The following DTNA variants were observed in gnomAD, a reference collection of about 807,000 sequenced individuals.
DTNA encodes dystrophin-related protein 3.
In DTNA, 43 loss-of-function variants were observed where a neutral mutation model predicts 100.7. The observed-to-expected ratio is 0.43, with a 90% CI of 0.33 to 0.55. The LOEUF (loss-of-function observed/expected upper bound fraction) is 0.55. Among genes scored for constraint, DTNA ranks in the 20% least tolerant of loss-of-function variants. The pLI, the probability that DTNA is intolerant of heterozygous loss-of-function variation, is 0.04. For missense variants in DTNA, 798 were observed against 953.9 expected, an observed-to-expected ratio of 0.84 and a Z score of 2.15; for synonymous variants, 349 against 347.9, an observed-to-expected ratio of 1.00 and a Z score of -0.04.
intron 3 of DTNA, among the ~76,000 whole-genome samples, chr18:34,792,095 T>G (rs1323498783): frequency 4.1e-4 from 1 of 2,462 alleles, no homozygotes; most frequent in Non-Finnish European, 1.8e-3. Flanking sequence ...AACCTGTTGT[T>G]TTTTTTTTTT....
chr18:34,873,420 G>A (rs1023417181), intron 17 of DTNA, among the ~76,000 whole-genome samples: 1 of 152,228 alleles, frequency 6.6e-6, no homozygotes, highest in Non-Finnish European at 1.5e-5. Context: ...CTTAAAAAGG[G>A]TGTACAAGAG....
intron 10 of DTNA, 138 bp downstream of exon 10, chr18:34,827,814 T>G: frequency 1.1e-6 from 1 of 906,852 alleles, no homozygotes; most frequent in Non-Finnish European, 1.7e-6. Context: ...CATTATAAGT[T>G]TTCAATTTCA....
At chr18:34,771,680 C>T (rs2093780598) in intron 3 of DTNA, among the ~76,000 whole-genome samples, 1 of 152,052 alleles carries the variant, frequency 6.6e-6, no homozygotes, top group Admixed American at 6.5e-5. Flanking sequence ...TAGGGGACAC[C>T]AAGTTGATTA....
intron 1 of DTNA, among the ~76,000 whole-genome samples, chr18:34,663,967 C>T (rs1175469313): frequency 6.6e-6 from 1 of 151,962 alleles, no homozygotes; most frequent in Non-Finnish European, 1.5e-5. Context: ...AAGTATGAGA[C>T]AAATAATTGA....
At chr18:34,527,536 G>A (rs2042742113) in intron 1 of DTNA, among the ~76,000 whole-genome samples, 1 of 152,032 alleles carries the variant, frequency 6.6e-6, no homozygotes, top group African/African-American at 2.4e-5. Flanking sequence ...AATTGTTTAA[G>A]TGGCAAAACA....
intron 1 of DTNA, among the ~76,000 whole-genome samples, chr18:34,661,319 A>T (rs1002196478): frequency 3.9e-5 from 6 of 152,232 alleles, no homozygotes; most frequent in Admixed American, 1.3e-4. Flanking sequence ...TTCACACTAT[A>T]CTCAACTTTG....
chr18:34,789,750 A>G (rs906679106), intron 3 of DTNA, among the ~76,000 whole-genome samples: 2 of 152,186 alleles, frequency 1.3e-5, no homozygotes, highest in African/African-American at 4.8e-5. Context: ...TTTTTCTTTT[A>G]CGTTCCTTAT....
chr18:34,852,957 G>A (rs2096499853), intron 15 of DTNA, among the ~76,000 whole-genome samples: 1 of 152,090 alleles, frequency 6.6e-6, no homozygotes, highest in South Asian at 2.1e-4. Context: ...TTCGTTTATT[G>A]TCTGTCTTCC....
intron 1 of DTNA, among the ~76,000 whole-genome samples, chr18:34,726,625 C>T (rs2086751278): frequency 6.6e-6 from 1 of 152,236 alleles, no homozygotes; most frequent in African/African-American, 2.4e-5. Context: ...AATAATCCTT[C>T]ACTCCTTGTC....
chr18:34,499,762 T>G (rs2144555897), intron 1 of DTNA, among the ~76,000 whole-genome samples: 1 of 152,342 alleles, frequency 6.6e-6, no homozygotes, highest in East Asian at 1.9e-4. Flanking sequence ...CTATTTGTCA[T>G]TTAAATATCT....
chr18:34,737,900 C>T (rs1378143542), intron 1 of DTNA: 2 of 151,868 alleles, frequency 1.3e-5, no homozygotes. Context: ...AAACAGACAC[C>T]AACAAAAACA....
chr18:34,837,571 G>A (rs1326841744), intron 11 of DTNA, among the ~76,000 whole-genome samples: 2 of 152,132 alleles, frequency 1.3e-5, no homozygotes, highest in Admixed American at 6.6e-5. Flanking sequence ...GTATTTCTCT[G>A]TTCCTCTGAA....
intron 3 of DTNA, among the ~76,000 whole-genome samples, chr18:34,782,223 A>C (rs1405183199): frequency 6.6e-6 from 1 of 152,228 alleles, no homozygotes; most frequent in Non-Finnish European, 1.5e-5. Flanking sequence ...AGAGGAATGC[A>C]AAGATGAACA....
At chr18:34,863,839 G>A (rs759400654) in intron 16 of DTNA, 127 bp from the exon 17 acceptor site, 156 of 850,530 alleles carry the variant, frequency 1.8e-4, no homozygotes, top group Non-Finnish European at 2.7e-4. Flanking sequence ...ACAGTTCCCT[G>A]CCTGGTAACC....
At chr18:34,801,847 A>G (rs2095226111) in intron 4 of DTNA, among the ~76,000 whole-genome samples, 1 of 152,190 alleles carries the variant, frequency 6.6e-6, no homozygotes, top group Non-Finnish European at 1.5e-5. Context: ...ACTAATATTA[A>G]TTCTTTAAGC....
At chr18:34,856,625 G>A (rs544578078) in intron 15 of DTNA, among the ~76,000 whole-genome samples, 4 of 152,326 alleles carry the variant, frequency 2.6e-5, no homozygotes, top group South Asian at 4.1e-4. Context: ...TTCACATCAC[G>A]TCTACCACCT....
At chr18:34,837,224 G>A (rs1472871959) in intron 11 of DTNA, among the ~76,000 whole-genome samples, 4 of 152,060 alleles carry the variant, frequency 2.6e-5, no homozygotes, top group Non-Finnish European at 5.9e-5. Flanking sequence ...AACCTATAGA[G>A]GAGCAAACTT....
chr18:34,539,641 C>T (rs1206647521), intron 1 of DTNA, among the ~76,000 whole-genome samples: 1 of 151,874 alleles, frequency 6.6e-6, no homozygotes, highest in Non-Finnish European at 1.5e-5. Flanking sequence ...TTGTTTTCTG[C>T]ATTGATCTTG....
intron 1 of DTNA, among the ~76,000 whole-genome samples, chr18:34,562,580 T>C (rs903495332): frequency 6.6e-6 from 1 of 152,174 alleles, no homozygotes; most frequent in African/African-American, 2.4e-5. Context: ...GGGAACTTGA[T>C]AATGAGAGAA....
Sources: allele counts gnomAD v4.1 joint callset (sites outside exome capture counted in the v4.1 genomes callset), GRCh38; gene constraint gnomAD v4.1.1; transcripts MANE v1.5; gene names NCBI Gene and HGNC (gene_info 2026-07-23, HGNC 2026-07-21).